The following SLC37A1 variants were observed in gnomAD, a reference collection of about 807,000 sequenced individuals.
SLC37A1 encodes solute carrier family 37 member 1, also known as glucose-6-phosphate exchanger SLC37A1.
SLC37A1 carries 49 observed loss-of-function variants against 75.3 expected under a neutral mutation model. The observed-to-expected ratio is 0.65, with a 90% CI of 0.52 to 0.83. The LOEUF (loss-of-function observed/expected upper bound fraction) is 0.83. SLC37A1 is among the 40% of genes least tolerant of loss of function. The probability of loss-of-function intolerance (pLI) is 0.00; values close to 1 mark genes in which losing one functional copy is unlikely to be tolerated. For synonymous variants in SLC37A1, 268 were observed against 292.1 expected, an observed-to-expected ratio of 0.92 and a Z score of 0.84; for missense variants, 566 against 695.0, an observed-to-expected ratio of 0.81 and a Z score of 2.09.
rs1026607158 is a variant in SLC37A1, at chr21:42,545,895, T to C, written c.731-1208T>C. Among the ~76,000 whole-genome samples, 1 of 152,228 alleles carries C rather than the reference T, an allele frequency of 6.6e-6. No homozygotes were observed. Among genetic ancestry groups the C allele is most frequent in the Non-Finnish European group, 1.5e-5 (1 of 68,034 alleles). The stretch of plus-strand genomic sequence containing the variant: ...CCACAGCCAGCCACGGACCTCTGGG[T>C]GCAGACCCACCTGGCCCTACGGCAT... On this transcript the variant is annotated intron_variant, in intron 8 of 19. Coordinates refer to ENST00000352133, the MANE Select transcript of SLC37A1 (RefSeq NM_001320537.2). The surrounding 1 kb of genome is among the most constrained non-coding windows in gnomAD (Gnocchi z 4.0).
intron 10 of SLC37A1, among the ~76,000 whole-genome samples, chr21:42,555,687 C>T (rs2146951042): frequency 1.3e-5 from 2 of 152,346 alleles, no homozygotes; most frequent in Middle Eastern, 6.8e-3. Context: ...CAGGCCCTTT[C>T]TTCTGGTGTA....
chr21:42,535,768 G>A (rs554039761), intron 5 of SLC37A1, among the ~76,000 whole-genome samples: 13 of 152,302 alleles, frequency 8.5e-5, no homozygotes, highest in Admixed American at 2.0e-4. Flanking sequence ...GAGGATTTCC[G>A]TGTCCCGGGC....
intron 3 of SLC37A1, among the ~76,000 whole-genome samples, chr21:42,531,739 C>T (rs1042945091): frequency 5.9e-5 from 9 of 152,116 alleles, no homozygotes; most frequent in Non-Finnish European, 8.8e-5. Flanking sequence ...GTCTCTGGAA[C>T]GCCACGTTTG....
chr21:42,502,040 A>G (rs542683775), intron 1 of SLC37A1, among the ~76,000 whole-genome samples: 21 of 152,358 alleles, frequency 1.4e-4, no homozygotes, highest in African/African-American at 4.6e-4. Context: ...ATCAAATAAG[A>G]TAACGAGGAT....
intron 13 of SLC37A1, 57 bp from the exon 14 acceptor site, chr21:42,564,651 T>C: frequency 7.1e-7 from 1 of 1,415,868 alleles, no homozygotes. Flanking sequence ...TTCTGCTTCC[T>C]CCCCGTGGGC....
At chr21:42,499,928 C>T (rs2054325847) in intron 1 of SLC37A1, among the ~76,000 whole-genome samples, 1 of 152,250 alleles carries the variant, frequency 6.6e-6, no homozygotes, top group South Asian at 2.1e-4. Flanking sequence ...ACTGTTGAAA[C>T]CACCCTGGGG....
chr21:42,569,125 A>G (rs1376652211), intron 17 of SLC37A1, among the ~76,000 whole-genome samples: 1 of 152,166 alleles, frequency 6.6e-6, no homozygotes, highest in East Asian at 1.9e-4. Flanking sequence ...CACAGCTAAT[A>G]AGGAGGACCT....
chr21:42,553,715 G>A (rs1405373369), intron 9 of SLC37A1, among the ~76,000 whole-genome samples: 2 of 152,046 alleles, frequency 1.3e-5, no homozygotes, highest in African/African-American at 4.8e-5. Context: ...GGGAGGGCAG[G>A]TGTTCCTCAC....
Position 42,579,739 on chromosome 21 carries a change from C to T in SLC37A1, c.1525C>T (p.Leu509=), listed in dbSNP as rs2056383213. The part of the protein sequence containing the change: ...MFADACALLF[L]IRLIHKELSC... ...GCTCACCTTTGTTTTGGTGCAGTTCCTGATCCGCCTCATACACAAGGAGCT... is the reference window on the plus strand; with the variant it reads ...GCTCACCTTTGTTTTGGTGCAGTTCTTGATCCGCCTCATACACAAGGAGCT... The change falls in exon 19 of 20, where the codon CTG becomes TTG. Residue 509 remains leucine, a synonymous_variant. Coordinates refer to ENST00000352133, the MANE Select transcript of SLC37A1 (RefSeq NM_001320537.2). 2 of 1,614,068 alleles carry T rather than the reference C, an allele frequency of 1.2e-6. No homozygotes were observed. Among genetic ancestry groups the T allele is most frequent in the Non-Finnish European group, 1.7e-6 (2 of 1,180,042 alleles).
rs1307940625 is a variant in SLC37A1 at position 42,552,696 on chromosome 21, A to G, written c.769-1366A>G. On this transcript the variant is annotated intron_variant, in intron 9 of 19. Transcript: ENST00000352133. The surrounding 1 kb of genome is among the most constrained non-coding windows in gnomAD (Gnocchi z 4.2). ...CTTCCCTTTCAGGAGACTTCCTAGC[A>G]TTTCCTAACATCATTTCTGCTTAGC... 1.3e-5 allele frequency among the ~76,000 whole-genome samples: 2 copies of G among 152,234 alleles called. No individual in the cohort carries two copies. The highest frequency in any genetic ancestry group is 2.4e-5 in the African/African-American group (1 of 41,466).
rs188703066 is a variant in SLC37A1, at chr21:42,552,342, C to G, written c.769-1720C>G. On this transcript the variant is annotated intron_variant, in intron 9 of 19. Coordinates refer to ENST00000352133, the MANE Select transcript of SLC37A1 (RefSeq NM_001320537.2). This position sits in a 1 kb window ranked among gnomAD's most constrained non-coding sequence, Gnocchi z 4.2. The stretch of plus-strand genomic sequence containing the variant: ...TTCAGCAGCAAGCAATAGAAAAGCC[C>G]ACAGGCAGTTACTAAAACAAGATGG... Among the ~76,000 whole-genome samples the G allele has an allele frequency of 2.0e-5, 3 of 152,278 alleles. No homozygotes were observed. The highest frequency in any genetic ancestry group is 7.2e-5 in the African/African-American group (3 of 41,542).
In SLC37A1 at chr21:42,531,664, G is replaced by A. The variant is rs559700288; in HGVS notation, c.139-3034G>A. Among the ~76,000 whole-genome samples, 23 of 152,306 alleles carry A rather than the reference G, an allele frequency of 1.5e-4. 1 individual carries two copies. The highest frequency in any genetic ancestry group is 4.6e-4 in the African/African-American group (19 of 41,564). ...GGGTGCTTCCCTGAAGTGCTTTGGTGAGAATTTGCTCACCTGGCGAGGGGT... is the reference window on the plus strand; with the variant it reads ...GGGTGCTTCCCTGAAGTGCTTTGGTAAGAATTTGCTCACCTGGCGAGGGGT... On this transcript the variant is annotated intron_variant, in intron 3 of 19. Coordinates refer to ENST00000352133, the MANE Select transcript of SLC37A1 (RefSeq NM_001320537.2).
rs192259103 is a variant in SLC37A1 at position 42,541,491 on chromosome 21, A to G, written c.487-913A>G. 4.6e-3 allele frequency among the ~76,000 whole-genome samples: 696 copies of G among 152,320 alleles called. 6 individuals carry two copies. The highest frequency in any genetic ancestry group is 0.015 in the African/African-American group (639 of 41,570). The stretch of plus-strand genomic sequence containing the variant: ...TCTTGTAGAGCCACCCCCGAGTCTC[A>G]AGACGCTAGAGCGTCCTCAGCAATA... On this transcript the variant is annotated intron_variant, in intron 6 of 19. Transcript: ENST00000352133.
chr21:42,517,293 C>T (rs1205865565), intron 1 of SLC37A1, among the ~76,000 whole-genome samples: 2 of 152,148 alleles, frequency 1.3e-5, no homozygotes, highest in Non-Finnish European at 2.9e-5. Context: ...CTTACACAGC[C>T]CAGGGTCAGC....
At chr21:42,543,169 T>C (rs776995872) in intron 7 of SLC37A1, among the ~76,000 whole-genome samples, 1 of 152,224 alleles carries the variant, frequency 6.6e-6, no homozygotes, top group Non-Finnish European at 1.5e-5. Context: ...TTCCAAGACT[T>C]TCAGGGAAAG....
chr21:42,520,251 C>T (rs376702935), intron 2 of SLC37A1, among the ~76,000 whole-genome samples: 10 of 152,150 alleles, frequency 6.6e-5, no homozygotes, highest in African/African-American at 2.2e-4. Context: ...GGATCTAGTT[C>T]GGGTTCATAC....
chr21:42,520,455 T>C (rs959655833), intron 2 of SLC37A1, among the ~76,000 whole-genome samples: 4 of 152,230 alleles, frequency 2.6e-5, no homozygotes, highest in African/African-American at 9.6e-5. Context: ...TCCTCATGAT[T>C]AGATTCAGAT....
chr21:42,510,279 G>C (rs2054421722), upstream of SLC37A1, among the ~76,000 whole-genome samples: 1 of 152,164 alleles, frequency 6.6e-6, no homozygotes, highest in Non-Finnish European at 1.5e-5. Flanking sequence ...GCCCGTCTCA[G>C]CCTCCCAAAG....
chr21:42,502,826 C>G (rs532318288), intron 2 of SLC37A1: 1 of 152,300 alleles, frequency 6.6e-6, no homozygotes, highest in South Asian at 2.1e-4. Flanking sequence ...CCCAAGGCCT[C>G]CACCCCACAG....
Sources: gnomAD v4.1 joint callset for allele counts (sites outside exome capture counted in the v4.1 genomes callset) on GRCh38, gnomAD v4.1.1 for gene constraint, Gnocchi (gnomAD v3.1) non-coding constraint, MANE v1.5 for transcripts, NCBI Gene and HGNC (gene_info 2026-07-23, HGNC 2026-07-21) for gene names.